Variants in PDE11A observed in about 807,000 individuals in gnomAD.
The protein encoded by PDE11A is dual 3',5'-cyclic-AMP and -GMP phosphodiesterase 11A.
PDE11A carries 100 observed loss-of-function variants against 100.5 expected under a neutral mutation model. That is an observed-to-expected ratio of 1.00 (90% confidence interval 0.85 to 1.18). The LOEUF (loss-of-function observed/expected upper bound fraction) is 1.18. PDE11A is among the 50% of genes most tolerant of loss of function. The pLI, the probability that PDE11A is intolerant of heterozygous loss-of-function variation, is 0.00. For missense variants in PDE11A, 1,141 were observed against 1,152.6 expected (o/e 0.99, Z 0.15); for synonymous variants, 381 against 420.8 (o/e 0.91, Z 1.16).
chr2:178,022,851 A>T (rs971453092), intron 1 of PDE11A, among the ~76,000 whole-genome samples: 1 of 152,198 alleles, frequency 6.6e-6, no homozygotes, highest in African/African-American at 2.4e-5. Context: ...AAAATCTGGA[A>T]TGAGCTGTTA....
chr2:178,071,882 G>A lies in PDE11A; in HGVS notation c.556C>T (p.Pro186Ser), dbSNP rs1404717522. 1.9e-6 allele frequency: 3 copies of A among 1,613,762 alleles called. No homozygotes were observed. The highest frequency in any genetic ancestry group is 1.1e-5 in the South Asian group (1 of 91,060). ...CACTTGTAGTCGATGGCTGTAGGGG[G>A]ATACCGAGGCAGATTCACTCTCGAT... ...LESRVNLPRYPPTAIDYKCHL... is the reference protein window; with the variant it reads ...LESRVNLPRYSPTAIDYKCHL... Residue 186 changes from proline (P) to serine (S), a missense_variant, in exon 1 of 20, where the codon CCC (proline) becomes TCC (serine). Pro to Ser is a moderately conservative substitution (Grantham distance 74). Transcript: ENST00000286063.
intron 10 of PDE11A, among the ~76,000 whole-genome samples, chr2:177,744,701 C>T (rs1390901686): frequency 2.0e-5 from 3 of 152,106 alleles, no homozygotes; most frequent in African/African-American, 7.2e-5. Context: ...TGCCATGTGA[C>T]CCAGGGCCTC....
chr2:177,928,856 C>T (rs991152998), intron 2 of PDE11A, among the ~76,000 whole-genome samples: 2 of 150,952 alleles, frequency 1.3e-5, no homozygotes, highest in African/African-American at 4.9e-5. Flanking sequence ...GAGAAAGACC[C>T]TGTCTCAAAA....
chr2:178,041,069 A>G (rs1473560316), intron 1 of PDE11A, among the ~76,000 whole-genome samples: 1 of 151,782 alleles, frequency 6.6e-6, no homozygotes, highest in African/African-American at 2.4e-5. Flanking sequence ...CCTCCCAAGT[A>G]GCTAGAACTA....
At chr2:177,948,525 T>G (rs1333958150) in intron 2 of PDE11A, among the ~76,000 whole-genome samples, 1 of 152,220 alleles carries the variant, frequency 6.6e-6, no homozygotes, top group Non-Finnish European at 1.5e-5. Context: ...CTTCTGAAAG[T>G]TGAACATTTT....
At chr2:177,987,401 T>A (rs1208587554) in intron 2 of PDE11A, among the ~76,000 whole-genome samples, 1 of 152,236 alleles carries the variant, frequency 6.6e-6, no homozygotes, top group East Asian at 1.9e-4. Flanking sequence ...CCTTACACAG[T>A]CACTGTTCTG....
intron 19 of PDE11A, among the ~76,000 whole-genome samples, chr2:177,660,083 CTTT>C (rs1559130694): frequency 1.9e-4 from 7 of 37,484 alleles, no homozygotes; most frequent in South Asian, 1.4e-3. Flanking sequence ...TTCTTTCTTT[CTTT>C]CTTTCTTTCT....
chr2:177,725,956 T>C (rs1044870404), intron 12 of PDE11A, among the ~76,000 whole-genome samples: 3 of 152,280 alleles, frequency 2.0e-5, no homozygotes, highest in African/African-American at 2.4e-5. Context: ...CATAAATCCA[T>C]AGGTTTTCCC....
At chr2:177,825,967 A>G (rs2105595660) in intron 6 of PDE11A, among the ~76,000 whole-genome samples, 1 of 152,334 alleles carries the variant, frequency 6.6e-6, no homozygotes, top group South Asian at 2.1e-4. Context: ...AGTTTTACAA[A>G]TACAAATATT....
intron 5 of PDE11A, among the ~76,000 whole-genome samples, chr2:177,850,557 C>T: frequency 6.6e-6 from 1 of 152,128 alleles, no homozygotes; most frequent in East Asian, 1.9e-4. Context: ...AACTAAAGAG[C>T]TTCTGCACAG....
intron 2 of PDE11A, among the ~76,000 whole-genome samples, chr2:177,941,051 C>A (rs1183934804): frequency 6.6e-6 from 1 of 152,180 alleles, no homozygotes; most frequent in Non-Finnish European, 1.5e-5. Flanking sequence ...CCCAGCTGAA[C>A]TCCAGGTAAT....
intron 9 of PDE11A, among the ~76,000 whole-genome samples, chr2:177,804,277 A>T (rs998504439): frequency 6.6e-6 from 1 of 151,896 alleles, no homozygotes; most frequent in African/African-American, 2.4e-5. Flanking sequence ...AAGTAACCTC[A>T]TTAAAAAGTG....
At chr2:177,757,234 T>C (rs2082102553) in intron 10 of PDE11A, among the ~76,000 whole-genome samples, 1 of 152,192 alleles carries the variant, frequency 6.6e-6, no homozygotes, top group Non-Finnish European at 1.5e-5. Flanking sequence ...TAAATGTTTA[T>C]TTTCCAGATG....
chr2:177,818,861 A>T (rs2083087792), intron 7 of PDE11A, among the ~76,000 whole-genome samples: 1 of 149,626 alleles, frequency 6.7e-6, no homozygotes, highest in Non-Finnish European at 1.5e-5. Context: ...AGTACAAAAG[A>T]AAAAAAAAAC....
chr2:177,721,055 T>G (rs2081519222), intron 12 of PDE11A, among the ~76,000 whole-genome samples: 2 of 152,150 alleles, frequency 1.3e-5, no homozygotes, highest in South Asian at 4.1e-4. Flanking sequence ...TGGATTAATT[T>G]TATATATAAC....
intron 2 of PDE11A, among the ~76,000 whole-genome samples, chr2:177,990,599 A>G (rs749441411): frequency 6.6e-6 from 1 of 151,950 alleles, no homozygotes; most frequent in Non-Finnish European, 1.5e-5. Context: ...TTAGCTGGGT[A>G]TGGTAGGGTG....
chr2:177,783,973 G>C (rs1331461032), intron 9 of PDE11A, among the ~76,000 whole-genome samples: 1 of 152,076 alleles, frequency 6.6e-6, no homozygotes, highest in East Asian at 1.9e-4. Flanking sequence ...TCCAGCCTGT[G>C]CCACTGCAGG....
At chr2:177,815,904 A>G (rs2083030374) in intron 9 of PDE11A, among the ~76,000 whole-genome samples, 1 of 152,216 alleles carries the variant, frequency 6.6e-6, no homozygotes, top group Non-Finnish European at 1.5e-5. Context: ...ATATAAAGAA[A>G]ATATTTGGTA....
intron 2 of PDE11A, among the ~76,000 whole-genome samples, chr2:177,990,452 G>A (rs2085988669): frequency 6.6e-6 from 1 of 151,990 alleles, no homozygotes; most frequent in Admixed American, 6.6e-5. Context: ...GTTTCAAAAA[G>A]TATTTAAGGC....
Sources: allele counts gnomAD v4.1 joint callset (sites outside exome capture counted in the v4.1 genomes callset), GRCh38; gene constraint gnomAD v4.1.1; transcripts MANE v1.5; gene names NCBI Gene and HGNC (gene_info 2026-07-23, HGNC 2026-07-21).